COL14A1: variants seen among roughly 807,000 people sequenced by gnomAD.
COL14A1 encodes collagen type XIV alpha 1 chain, also known as collagen alpha-1(XIV) chain.
In COL14A1, 136 loss-of-function variants were observed where a neutral mutation model predicts 230.3. The ratio of observed to expected loss-of-function variants is 0.59; its 90% CI spans 0.51 to 0.68. The LOEUF (loss-of-function observed/expected upper bound fraction) is 0.68, where lower values mean the gene tolerates loss of function less well. Ranked by LOEUF, COL14A1 falls within the 30% of genes least tolerant of loss-of-function variation. COL14A1 has a pLI of 0.00. For missense variants in COL14A1, 1,976 were observed against 2,215.8 expected (o/e 0.89, Z 2.17); for synonymous variants, 792 against 784.1 (o/e 1.01, Z -0.17).
intron 14 of COL14A1, among the ~76,000 whole-genome samples, chr8:120,219,338 A>ACCCTTGG (rs1676815176): frequency 6.6e-5 from 10 of 152,144 alleles, no homozygotes; most frequent in Admixed American, 2.6e-4. Flanking sequence ...TCCTGGGCTC[A>ACCCTTGG]AGGGATTCAT....
intron 37 of COL14A1, among the ~76,000 whole-genome samples, chr8:120,313,516 C>T (rs1334611108): frequency 2.6e-5 from 4 of 152,078 alleles, no homozygotes; most frequent in African/African-American, 9.7e-5. Flanking sequence ...GGAGTCCCCC[C>T]GAGGTAGGTG....
At chr8:120,186,160 C>G (rs918566550) in intron 5 of COL14A1, among the ~76,000 whole-genome samples, 2 of 152,208 alleles carry the variant, frequency 1.3e-5, no homozygotes, top group African/African-American at 4.8e-5. Context: ...ATTGAAAAAC[C>G]CTTTCAGAAT....
chr8:120,198,271 ACAAATTTCT>A (rs1817113780), intron 7 of COL14A1, among the ~76,000 whole-genome samples: 1 of 152,110 alleles, frequency 6.6e-6, no homozygotes, highest in East Asian at 1.9e-4. Context: ...TCAAATATAA[ACAAATTTCT>A]TCTTATTTTC....
intron 4 of COL14A1, among the ~76,000 whole-genome samples, chr8:120,167,237 T>G (rs1815929951): frequency 6.6e-6 from 1 of 152,030 alleles, no homozygotes; most frequent in Non-Finnish European, 1.5e-5. Flanking sequence ...GAGGATGTGA[T>G]AAAGACAGGA....
chr8:120,232,428 C>A (rs970024385), intron 19 of COL14A1, among the ~76,000 whole-genome samples: 1 of 152,116 alleles, frequency 6.6e-6, no homozygotes, highest in Non-Finnish European at 1.5e-5. Context: ...TGCCCCACAA[C>A]CCCAACAGGA....
chr8:120,199,757 G>C (rs981133695), intron 8 of COL14A1, among the ~76,000 whole-genome samples, 191 bp downstream of exon 8: 1 of 151,204 alleles, frequency 6.6e-6, no homozygotes, highest in African/African-American at 2.5e-5. Context: ...GATGCTAGCT[G>C]TCATGTATCC....
At chr8:120,274,982 A>G (rs1023752403) in intron 26 of COL14A1, among the ~76,000 whole-genome samples, 2 of 82,738 alleles carry the variant, frequency 2.4e-5, no homozygotes, top group African/African-American at 1.6e-4. Flanking sequence ...TCACAGAATT[A>G]GAAAAAAAAT....
chr8:120,126,983 A>G (rs1814361468), intron 1 of COL14A1, among the ~76,000 whole-genome samples: 1 of 152,230 alleles, frequency 6.6e-6, no homozygotes. Flanking sequence ...TTTAAAGTGT[A>G]CAATTCAATG....
chr8:120,283,429 G>A (rs549851877), intron 31 of COL14A1, among the ~76,000 whole-genome samples: 2 of 152,206 alleles, frequency 1.3e-5, no homozygotes, highest in African/African-American at 4.8e-5. Context: ...ACTATTAAAT[G>A]GTGCTAAGAA....
Position 120,244,763 on chromosome 8 carries a change from T to C in COL14A1, c.2479+755T>C, listed in dbSNP as rs116101003. On this transcript the variant is annotated intron_variant, in intron 20 of 47. Coordinates refer to ENST00000297848, the MANE Select transcript of COL14A1 (RefSeq NM_021110.4). ...CTCTCTCTCATCCAGATGAGTGTAC[T>C]AGCCTCCTGTCAGGTCTTCCTGCTT... 2.8e-3 allele frequency among the ~76,000 whole-genome samples: 420 copies of C among 152,350 alleles called. 4 individuals are homozygous for C. Among genetic ancestry groups the C allele is most frequent in the African/African-American group, 9.3e-3 (386 of 41,568 alleles).
chr8:120,267,107 A>AT (rs1030527223), intron 25 of COL14A1: 44 of 472,702 alleles, frequency 9.3e-5, no homozygotes, highest in Middle Eastern at 5.8e-4. Context: ...GCTTAATACT[A>AT]TTTTTTTTGA....
chr8:120,205,805 T>A (rs940082498), intron 9 of COL14A1, among the ~76,000 whole-genome samples: 1 of 152,316 alleles, frequency 6.6e-6, no homozygotes, highest in South Asian at 2.1e-4. Context: ...GCCCATAGTT[T>A]GTGTTCAAAA....
At chr8:120,217,742 A>C (rs1326267699) in intron 14 of COL14A1, among the ~76,000 whole-genome samples, 2 of 151,974 alleles carry the variant, frequency 1.3e-5, no homozygotes, top group Non-Finnish European at 2.9e-5. Context: ...AGCAGTAAAA[A>C]GATTGAAATA....
chr8:120,309,420 A>C (rs930781298), intron 36 of COL14A1, among the ~76,000 whole-genome samples: 4 of 152,186 alleles, frequency 2.6e-5, no homozygotes, highest in South Asian at 2.1e-4. Flanking sequence ...ACATATATAC[A>C]GGGAATATAT....
At chr8:120,159,721 G>T (rs778063767) in intron 3 of COL14A1, among the ~76,000 whole-genome samples, 8 of 151,824 alleles carry the variant, frequency 5.3e-5, no homozygotes, top group African/African-American at 1.9e-4. Context: ...ACTGAGTTTC[G>T]CTCTTTGTTG....
chr8:120,252,405 T>A (rs1819001132), intron 22 of COL14A1, among the ~76,000 whole-genome samples: 1 of 152,176 alleles, frequency 6.6e-6, no homozygotes. Flanking sequence ...AATCACATTT[T>A]AAAATACACA....
intron 5 of COL14A1, among the ~76,000 whole-genome samples, chr8:120,178,064 T>C (rs548951089): frequency 2.4e-4 from 37 of 152,264 alleles, no homozygotes; most frequent in African/African-American, 8.7e-4. Flanking sequence ...GAGTATTAAA[T>C]AAAACCTGTT....
chr8:120,170,931 TA>T (rs74825767), intron 5 of COL14A1, among the ~76,000 whole-genome samples: 51,413 of 151,770 alleles, frequency 0.34, 9,528 homozygotes, highest in Admixed American at 0.48. Flanking sequence ...TTATTTGCAT[TA>T]AAAAAATTCT....
intron 44 of COL14A1, among the ~76,000 whole-genome samples, chr8:120,343,120 A>G (rs1370627739): frequency 6.6e-6 from 1 of 152,196 alleles, no homozygotes; most frequent in East Asian, 1.9e-4. Context: ...CCATTTGCTT[A>G]GATCCCACCA....
Sources: gnomAD v4.1 joint callset for allele counts (sites outside exome capture counted in the v4.1 genomes callset) on GRCh38, gnomAD v4.1.1 for gene constraint, MANE v1.5 for transcripts, NCBI Gene and HGNC (gene_info 2026-07-23, HGNC 2026-07-21) for gene names.